PCDHGA1: variants seen among roughly 807,000 people sequenced by gnomAD.
PCDHGA1 encodes the protein protocadherin gamma subfamily A, 1.
A neutral mutation model predicts 58.0 loss-of-function variants in PCDHGA1; 32 were observed. That is an observed-to-expected ratio of 0.55 (90% CI 0.42 to 0.74). The LOEUF (loss-of-function observed/expected upper bound fraction) is 0.74. Ranked by LOEUF, PCDHGA1 falls within the 30% of genes least tolerant of loss-of-function variation. The pLI is 0.00. For synonymous variants in PCDHGA1, 498 were observed against 501.1 expected (o/e 0.99, Z 0.08); for missense variants, 1,205 against 1,182.3 (o/e 1.02, Z -0.28).
intron 1 of PCDHGA1, chr5:141,357,641 G>C: frequency 6.2e-7 from 1 of 1,611,778 alleles, no homozygotes; most frequent in South Asian, 1.1e-5. Context: ...TCTTATAATA[G>C]ATCATACCAC....
rs946798767 is a variant in PCDHGA1, at chr5:141,438,591, CATATATATAT to C, written c.2422-56180_2422-56171del. On this transcript the variant is annotated intron_variant, in intron 1 of 3. Transcript: ENST00000517417. The stretch of plus-strand genomic sequence containing the variant: ...TCTGATATACATACATACATACATA[CATATATATAT>C]ATATATATATATATATATATATATA... Among the ~76,000 whole-genome samples, 12 of 75,572 alleles carry C rather than the reference CATATATATAT, an allele frequency of 1.6e-4. No individual in the cohort carries two copies. The East Asian group carries it at 1.7e-3, about 11-fold the overall frequency. The allele number at this position is 75,572 out of a possible 152,430, so 49.6% of individuals were successfully genotyped here.
rs200580042 is a variant in PCDHGA1 at position 141,486,553 on chromosome 5, T to C, written c.2422-8254T>C. 5.4e-5 allele frequency: 87 copies of C among 1,614,028 alleles called. No individual in the cohort carries two copies. The highest frequency in any genetic ancestry group is 7.2e-5 in the Non-Finnish European group (85 of 1,180,046). On this transcript the variant is annotated intron_variant, in intron 1 of 3. Coordinates refer to ENST00000517417, the MANE Select transcript of PCDHGA1 (RefSeq NM_018912.3). The surrounding 1 kb of genome is among the most constrained non-coding windows in gnomAD (Gnocchi z 5.0). ...CACCCTCTTTCTTTCAGAGGTCACA[T>C]GAGGTGTTTGTTCCTGAGAACAATC...
chr5:141,331,344 A>C lies in PCDHGA1; in HGVS notation c.660A>C (p.Pro220=). The change falls in exon 1 of 4, where the codon CCA becomes CCC. Residue 220 remains proline, a synonymous_variant. Transcript: ENST00000517417. ...LILTASDGGE[P]VRSGTLRIYI... is the part of the protein sequence containing the mutation. ...TCACAGCTTCTGATGGGGGTGAACCAGTCCGTTCAGGGACCCTCAGAATTT... is the reference window on the plus strand; with the variant it reads ...TCACAGCTTCTGATGGGGGTGAACCCGTCCGTTCAGGGACCCTCAGAATTT... 3 of 1,614,218 alleles carry C rather than the reference A, an allele frequency of 1.9e-6. No individual in the cohort carries two copies. Among genetic ancestry groups the C allele is most frequent in the Middle Eastern group, 1.6e-4 (1 of 6,062 alleles).
intron 1 of PCDHGA1, among the ~76,000 whole-genome samples, chr5:141,349,112 C>A (rs1474394147): frequency 6.6e-6 from 1 of 152,110 alleles, no homozygotes; most frequent in Non-Finnish European, 1.5e-5. Flanking sequence ...GCTCTGTCAC[C>A]CAGGATGGAC....
rs781026604 is a variant in PCDHGA1, at chr5:141,490,471, C to A, written c.2422-4336C>A. The A allele has an allele frequency of 6.2e-7, 1 of 1,614,214 alleles. No individual in the cohort carries two copies. The highest frequency in any genetic ancestry group is 1.1e-5 in the South Asian group (1 of 91,088). On this transcript the variant is annotated intron_variant, in intron 1 of 3. Transcript: ENST00000517417. This position sits in a 1 kb window ranked among gnomAD's most constrained non-coding sequence, Gnocchi z 5.4. ...CCACTACTCGCTGCTAACCAGCCAGCCTTTGGACCGGGAGGCCACATCCCA... is the reference window on the plus strand; with the variant it reads ...CCACTACTCGCTGCTAACCAGCCAGACTTTGGACCGGGAGGCCACATCCCA...
intron 1 of PCDHGA1, chr5:141,361,816 C>T (rs770591894): frequency 1.9e-6 from 3 of 1,613,084 alleles, no homozygotes; most frequent in Admixed American, 3.3e-5. Flanking sequence ...CAATGCGCCA[C>T]GGGTGCTGTA....
chr5:141,480,710 T>C (rs1174000425), intron 1 of PCDHGA1, among the ~76,000 whole-genome samples: 1 of 152,042 alleles, frequency 6.6e-6, no homozygotes, highest in East Asian at 1.9e-4. Context: ...CCCCGACAAA[T>C]GAAAGCACAG....
intron 1 of PCDHGA1, chr5:141,362,108 C>G (rs1317907295): frequency 6.2e-7 from 1 of 1,613,854 alleles, no homozygotes; most frequent in Admixed American, 1.7e-5. Context: ...TCCGCTACGG[C>G]CACGCTGCAC....
chr5:141,360,957 C>T (rs990313847), intron 1 of PCDHGA1: 1 of 1,613,904 alleles, frequency 6.2e-7, no homozygotes, highest in East Asian at 2.2e-5. Context: ...AAGGCATAAA[C>T]GCAGAGATCA....
chr5:141,388,469 A>G, intron 1 of PCDHGA1: 11 of 1,613,858 alleles, frequency 6.8e-6, no homozygotes, highest in Non-Finnish European at 8.5e-6. Context: ...CTGAGATGGT[A>G]TTGAAGACAC....
At chr5:141,436,335 A>T (rs2097814208) in intron 1 of PCDHGA1, among the ~76,000 whole-genome samples, 1 of 152,172 alleles carries the variant, frequency 6.6e-6, no homozygotes, top group African/African-American at 2.4e-5. Flanking sequence ...ACCATATCTC[A>T]AATATCAGTG....
Position 141,477,412 on chromosome 5 carries a change from C to T in PCDHGA1, c.2422-17395C>T. 6 of 1,614,168 alleles carry T rather than the reference C, an allele frequency of 3.7e-6. No individual in the cohort carries two copies. The highest frequency in any genetic ancestry group is 1.1e-5 in the South Asian group (1 of 91,082). On this transcript the variant is annotated intron_variant, in intron 1 of 3. Coordinates refer to ENST00000517417, the MANE Select transcript of PCDHGA1 (RefSeq NM_018912.3). This position sits in a 1 kb window ranked among gnomAD's most constrained non-coding sequence, Gnocchi z 4.9. ...ACCTCAGCATCACCGCCCGAGACGC[C>T]GGAACCCCTTCCCTCTCAGCCCTTA... is the stretch of plus-strand genomic sequence containing the variant.
intron 1 of PCDHGA1, chr5:141,405,033 T>C (rs753061273): frequency 6.8e-6 from 11 of 1,613,844 alleles, no homozygotes; most frequent in Admixed American, 1.7e-5. Context: ...CTCTACCTCG[T>C]TGTGGCTGTG....
chr5:141,365,408 T>C, intron 1 of PCDHGA1: 1 of 1,614,004 alleles, frequency 6.2e-7, no homozygotes, highest in Non-Finnish European at 8.5e-7. Flanking sequence ...CTCTGAAGAC[T>C]GTCTTCCCGG....
chr5:141,421,040 C>T (rs2096541229), intron 1 of PCDHGA1: 1 of 545,472 alleles, frequency 1.8e-6, no homozygotes, highest in East Asian at 3.1e-5. Context: ...GTCCCTCCCT[C>T]CCCCGCCTCT....
intron 1 of PCDHGA1, among the ~76,000 whole-genome samples, chr5:141,444,497 C>G (rs899746599): frequency 3.3e-5 from 5 of 152,026 alleles, no homozygotes; most frequent in African/African-American, 1.2e-4. Context: ...TTGTGTAATA[C>G]TTTGCTCTAG....
At chr5:141,351,639 A>G (rs552754324) in intron 1 of PCDHGA1, 4 of 1,614,040 alleles carry the variant, frequency 2.5e-6, no homozygotes, top group African/African-American at 1.3e-5. Flanking sequence ...GTGTCTGAGA[A>G]CAACCCACCT....
At chr5:141,357,653 C>G (rs1478258336) in intron 1 of PCDHGA1, 1 of 1,607,882 alleles carries the variant, frequency 6.2e-7, no homozygotes, top group South Asian at 1.1e-5. Flanking sequence ...TCATACCACA[C>G]TGAAATATAG....
At chr5:141,374,211 C>G in intron 1 of PCDHGA1, 2 of 1,613,954 alleles carry the variant, frequency 1.2e-6, no homozygotes, top group Non-Finnish European at 1.7e-6. Context: ...GAGAAAGGCT[C>G]CTTCGTAGGC....
Sources: gnomAD v4.1 joint callset for allele counts (sites outside exome capture counted in the v4.1 genomes callset) on GRCh38, gnomAD v4.1.1 for gene constraint, Gnocchi (gnomAD v3.1) non-coding constraint, MANE v1.5 for transcripts, NCBI Gene and HGNC (gene_info 2026-07-23, HGNC 2026-07-21) for gene names.